Variants in MAPDA observed in about 807,000 individuals in gnomAD.
MAPDA encodes the protein N6-Methyl-AMP deaminase, also known as N6,N6-dimethyl-AMP deaminase.
chr15:43,339,718 T>G, the MAPDA span, among the ~76,000 whole-genome samples: 1 of 152,248 alleles, frequency 6.6e-6, no homozygotes, highest in Non-Finnish European at 1.5e-5. Context: ...TTACTCATAT[T>G]TATCACCTAC....
At chr15:43,345,975 C>A in the MAPDA span, 4 of 1,613,884 alleles carry the variant, frequency 2.5e-6, no homozygotes, top group Non-Finnish European at 2.5e-6. Flanking sequence ...CAGTGGAGAC[C>A]CTACTGTAAG....
the MAPDA span, chr15:43,335,261 G>A: frequency 2.0e-5 from 27 of 1,368,250 alleles, no homozygotes; most frequent in Admixed American, 7.2e-5. Flanking sequence ...TTGGCTGGGC[G>A]CAGTGGCTCA....
chr15:43,345,129 C>T, the MAPDA span, among the ~76,000 whole-genome samples: 3 of 151,938 alleles, frequency 2.0e-5, no homozygotes, highest in East Asian at 3.9e-4. Flanking sequence ...CTGAGGCGGG[C>T]GGATCATGAG....
the MAPDA span, among the ~76,000 whole-genome samples, chr15:43,337,873 G>T: frequency 5.3e-5 from 8 of 152,168 alleles, no homozygotes; most frequent in Non-Finnish European, 1.0e-4. Context: ...TTATAATTAG[G>T]TTGGAGAGAC....
chr15:43,334,802 A>G, the MAPDA span: 74 of 245,140 alleles, frequency 3.0e-4, no homozygotes, highest in Middle Eastern at 1.4e-3. Context: ...TCCTGTTTCC[A>G]GTTTATGTTG....
chr15:43,345,945 A>C, the MAPDA span: 9 of 1,614,066 alleles, frequency 5.6e-6, no homozygotes, highest in Non-Finnish European at 7.6e-6. Flanking sequence ...TACTGAGGGT[A>C]CAGTTCTTGG....
chr15:43,348,702 A>G, the MAPDA span, among the ~76,000 whole-genome samples: 7 of 152,182 alleles, frequency 4.6e-5, no homozygotes, highest in Non-Finnish European at 8.8e-5. Flanking sequence ...AGTGTTTATT[A>G]TTATCATTGA....
At chr15:43,342,235 A>G in the MAPDA span, among the ~76,000 whole-genome samples, 2 of 152,068 alleles carry the variant, frequency 1.3e-5, no homozygotes, top group Non-Finnish European at 2.9e-5. Context: ...ATTTTACCCA[A>G]TGTAGCCTAA....
the MAPDA span, chr15:43,349,548 C>T: frequency 4.7e-5 from 8 of 170,674 alleles, no homozygotes; most frequent in Non-Finnish European, 8.3e-5. Flanking sequence ...AACTCATATT[C>T]TAGCAGAGGG....
chr15:43,331,528 T>C, the MAPDA span, among the ~76,000 whole-genome samples: 1 of 152,196 alleles, frequency 6.6e-6, no homozygotes, highest in Non-Finnish European at 1.5e-5. Flanking sequence ...TACTGCATAA[T>C]GGTTAAGAGT....
chr15:43,346,109 C>T, the MAPDA span: 1 of 1,247,982 alleles, frequency 8.0e-7, no homozygotes, highest in Non-Finnish European at 1.1e-6. Flanking sequence ...GGATGAAGGC[C>T]TGTTCTGCCC....
chr15:43,347,016 G>T, the MAPDA span: 1 of 1,613,134 alleles, frequency 6.2e-7, no homozygotes, highest in Non-Finnish European at 8.5e-7. Flanking sequence ...TATCTTTAAG[G>T]TAGGACAAGC....
At chr15:43,339,306 TC>T in the MAPDA span, among the ~76,000 whole-genome samples, 19 of 152,182 alleles carry the variant, frequency 1.2e-4, no homozygotes, top group African/African-American at 4.6e-4. Flanking sequence ...AGAATCTGGG[TC>T]TTTAGACCTC....
the MAPDA span, among the ~76,000 whole-genome samples, chr15:43,346,560 G>C: frequency 6.6e-6 from 1 of 152,344 alleles, no homozygotes; most frequent in African/African-American, 2.4e-5. Context: ...AATTGCTCCT[G>C]GTTGAAAACA....
chr15:43,335,704 T>A, the MAPDA span: 1 of 1,607,308 alleles, frequency 6.2e-7, no homozygotes, highest in Non-Finnish European at 8.5e-7. Context: ...AGGAACTTCA[T>A]GCCCACTTGA....
chr15:43,340,478 A>G, the MAPDA span: 1 of 733,086 alleles, frequency 1.4e-6, no homozygotes, highest in South Asian at 1.9e-5. Flanking sequence ...ATTTCATTGA[A>G]CCTTTAGTCA....
At chr15:43,353,874 C>G in the MAPDA span, 1 of 152,200 alleles carries the variant, frequency 6.6e-6, no homozygotes, top group African/African-American at 2.4e-5. Flanking sequence ...TTGTACTGTC[C>G]TTTATAATAA....
the MAPDA span, among the ~76,000 whole-genome samples, chr15:43,341,671 C>A: frequency 2.7e-4 from 41 of 151,800 alleles, no homozygotes; most frequent in African/African-American, 9.7e-4. Flanking sequence ...AGACCCCCCC[C>A]ACCTCTATGG....
the MAPDA span, among the ~76,000 whole-genome samples, chr15:43,335,981 T>G: frequency 6.6e-6 from 1 of 152,256 alleles, no homozygotes; most frequent in Admixed American, 6.5e-5. Context: ...TTTTTCCAGC[T>G]GTTAGACTGT....
Sources: gnomAD v4.1 joint callset for allele counts (sites outside exome capture counted in the v4.1 genomes callset) on GRCh38, gnomAD v4.1.1 for gene constraint, MANE v1.5 for transcripts, NCBI Gene and HGNC (gene_info 2026-07-23, HGNC 2026-07-21) for gene names.